Variants in SLC25A21 observed in about 807,000 individuals in gnomAD.
The protein encoded by SLC25A21 is solute carrier family 25 member 21, also known as mitochondrial 2-oxodicarboxylate carrier.
In SLC25A21, 47 loss-of-function variants were observed where a neutral mutation model predicts 43.8. The ratio of observed to expected loss-of-function variants is 1.07; its 90% CI spans 0.85 to 1.37. SLC25A21 has a LOEUF of 1.37. Among genes scored for constraint, SLC25A21 ranks in the 40% most tolerant of loss-of-function variants. The pLI is 0.00. For missense variants in SLC25A21, 352 were observed against 350.2 expected, an observed-to-expected ratio of 1.00 and a Z score of -0.04; for synonymous variants, 131 against 121.3, an observed-to-expected ratio of 1.08 and a Z score of -0.52.
intron 1 of SLC25A21, among the ~76,000 whole-genome samples, chr14:37,155,258 T>C (rs942265615): frequency 4.6e-5 from 7 of 152,132 alleles, no homozygotes; most frequent in East Asian, 1.9e-4. Flanking sequence ...TTGAAGAGAC[T>C]TGAAAGAATA....
chr14:36,791,549 A>AAAAG (rs1329698399), intron 3 of SLC25A21, among the ~76,000 whole-genome samples: 3 of 152,168 alleles, frequency 2.0e-5, no homozygotes, highest in Non-Finnish European at 4.4e-5. Flanking sequence ...TTTCCAGATG[A>AAAAG]AAAGATACTT....
chr14:36,836,247 T>C (rs1425103981), intron 2 of SLC25A21, among the ~76,000 whole-genome samples: 1 of 152,218 alleles, frequency 6.6e-6, no homozygotes, highest in Non-Finnish European at 1.5e-5. Context: ...TGTTGCTTGC[T>C]AATAAGCAGC....
At chr14:36,980,772 T>C (rs891735345) in intron 1 of SLC25A21, among the ~76,000 whole-genome samples, 1 of 152,164 alleles carries the variant, frequency 6.6e-6, no homozygotes, top group Non-Finnish European at 1.5e-5. Flanking sequence ...ATTCCGGACA[T>C]AGGCATGGGC....
intron 1 of SLC25A21, among the ~76,000 whole-genome samples, chr14:36,989,345 T>C (rs1960213635): frequency 6.6e-6 from 1 of 152,186 alleles, no homozygotes; most frequent in Non-Finnish European, 1.5e-5. Context: ...AGTGTAATTC[T>C]TATATTGCCA....
chr14:36,824,181 A>G (rs1439906494), intron 2 of SLC25A21, among the ~76,000 whole-genome samples: 1 of 152,182 alleles, frequency 6.6e-6, no homozygotes, highest in Non-Finnish European at 1.5e-5. Context: ...ATGCTTTTCA[A>G]TAATATCAAA....
At position 36,757,377 on chromosome 14, in the gene SLC25A21, A is replaced by G. The variant is rs1183096786; in HGVS notation, c.204-22804T>C. 2.0e-5 allele frequency among the ~76,000 whole-genome samples: 3 copies of G among 152,246 alleles called. No individual in the cohort carries two copies. In the East Asian group the frequency reaches 5.8e-4, roughly 29 times the overall value. ...GCTCACACACTTGGATGCTATGGTA[A>G]TATCAAATTGCTTTAACATTTCTAA... is the stretch of plus-strand genomic sequence containing the variant. On this transcript the variant is annotated intron_variant, in intron 3 of 9. Coordinates refer to ENST00000331299, the MANE Select transcript of SLC25A21 (RefSeq NM_030631.4).
chr14:36,814,788 A>G (rs1322195008), intron 2 of SLC25A21, among the ~76,000 whole-genome samples: 2 of 152,194 alleles, frequency 1.3e-5, no homozygotes, highest in Non-Finnish European at 2.9e-5. Flanking sequence ...AGAACCAGAA[A>G]TACCATTTGA....
intron 2 of SLC25A21, among the ~76,000 whole-genome samples, chr14:36,825,268 C>T (rs960016884): frequency 6.9e-6 from 1 of 145,262 alleles, no homozygotes; most frequent in Admixed American, 6.7e-5. Flanking sequence ...ATGATCTCTT[C>T]CTCTTTCTCT....
chr14:36,950,085 G>A lies in SLC25A21; in HGVS notation c.71-75081C>T, dbSNP rs1892770683. Among the ~76,000 whole-genome samples the A allele has an allele frequency of 2.6e-5, 4 of 152,170 alleles. 1 individual carries two copies. The highest frequency in any genetic ancestry group is 2.6e-4 in the Admixed American group (4 of 15,270). On this transcript the variant is annotated intron_variant, in intron 1 of 9. Coordinates refer to ENST00000331299, the MANE Select transcript of SLC25A21 (RefSeq NM_030631.4). ...ATACTGTAAATGCTGTTCTGACAGA[G>A]CATCTTAGGAGACTAGTATTCCATA...
intron 1 of SLC25A21, among the ~76,000 whole-genome samples, chr14:36,932,067 T>C (rs1042777855): frequency 7.2e-5 from 11 of 152,240 alleles, no homozygotes; most frequent in Admixed American, 5.9e-4. Context: ...ATTTAATCTT[T>C]CTGTGCTTCA....
At chr14:37,083,505 C>T (rs918289309) in intron 1 of SLC25A21, among the ~76,000 whole-genome samples, 8 of 152,160 alleles carry the variant, frequency 5.3e-5, no homozygotes, top group African/African-American at 1.4e-4. Context: ...CATTTATATA[C>T]GGCAAGGATT....
intron 2 of SLC25A21, among the ~76,000 whole-genome samples, chr14:36,860,902 G>A (rs1405022185): frequency 1.3e-5 from 2 of 152,122 alleles, no homozygotes; most frequent in East Asian, 1.9e-4. Flanking sequence ...ATAATTTTGT[G>A]TGGTTTTTGC....
At chr14:36,922,158 A>T (rs1891998845) in intron 1 of SLC25A21, among the ~76,000 whole-genome samples, 1 of 151,650 alleles carries the variant, frequency 6.6e-6, no homozygotes, top group African/African-American at 2.4e-5. Flanking sequence ...AAAAAATTGT[A>T]GTATAGAAAC....
At chr14:37,112,488 T>TC (rs1399552189) in intron 1 of SLC25A21, among the ~76,000 whole-genome samples, 1 of 152,210 alleles carries the variant, frequency 6.6e-6, no homozygotes, top group East Asian at 1.9e-4. Context: ...ATTCTCCTGT[T>TC]CCTTCCTTGT....
intron 1 of SLC25A21, among the ~76,000 whole-genome samples, chr14:37,038,297 T>G (rs1961372344): frequency 6.6e-6 from 1 of 152,162 alleles, no homozygotes; most frequent in South Asian, 2.1e-4. Flanking sequence ...TTATATTTGT[T>G]GGTAGAAAAA....
At chr14:37,050,001 G>A (rs1467500692) in intron 1 of SLC25A21, among the ~76,000 whole-genome samples, 5 of 152,180 alleles carry the variant, frequency 3.3e-5, no homozygotes, top group Non-Finnish European at 7.3e-5. Flanking sequence ...TGAATATAGT[G>A]CCGGATATTT....
Position 36,680,081 on chromosome 14 carries a change from A to G in SLC25A21, c.*577T>C. On this transcript the variant is annotated 3_prime_UTR_variant, in exon 10 of 10. Coordinates refer to ENST00000331299, the MANE Select transcript of SLC25A21 (RefSeq NM_030631.4). ...ATGTGCATAGTTACTAAAAAAAACC[A>G]ACAGATTTACATTTTAACATAGTAT... The G allele has an allele frequency of 1.1e-6, 1 of 880,492 alleles. No individual in the cohort carries two copies. The highest frequency in any genetic ancestry group is 1.4e-6 in the Non-Finnish European group (1 of 735,248). The allele number at this position is 880,492 out of a possible 1,614,324, so 54.5% of individuals were successfully genotyped here.
chr14:37,069,374 A>G (rs1962127346), intron 1 of SLC25A21, among the ~76,000 whole-genome samples: 1 of 152,204 alleles, frequency 6.6e-6, no homozygotes, highest in Non-Finnish European at 1.5e-5. Context: ...TGGCAACAGT[A>G]GATTATGCCC....
chr14:36,806,622 T>A (rs1888050188), intron 3 of SLC25A21, among the ~76,000 whole-genome samples: 1 of 152,204 alleles, frequency 6.6e-6, no homozygotes, highest in Non-Finnish European at 1.5e-5. Flanking sequence ...TGAATTAAGA[T>A]AATCTCTTCT....
Sources: gnomAD v4.1 joint callset for allele counts (sites outside exome capture counted in the v4.1 genomes callset) on GRCh38, gnomAD v4.1.1 for gene constraint, MANE v1.5 for transcripts, NCBI Gene and HGNC (gene_info 2026-07-23, HGNC 2026-07-21) for gene names.